CDH8: variants seen among roughly 807,000 people sequenced by gnomAD.
CDH8 encodes cadherin 8.
CDH8 carries 17 observed loss-of-function variants against 68.1 expected under a neutral mutation model. That is an observed-to-expected ratio of 0.25 (90% CI 0.17 to 0.37). The LOEUF is 0.37. Ranked by LOEUF, CDH8 falls within the 10% of genes least tolerant of loss-of-function variation. The pLI is 1.00. For missense variants in CDH8, 763 were observed against 999.3 expected, an observed-to-expected ratio of 0.76 and a Z score of 3.19; for synonymous variants, 372 against 365.1, an observed-to-expected ratio of 1.02 and a Z score of -0.21.
rs983809434 is a variant in CDH8 at position 61,825,178 on chromosome 16, A to G, written c.669T>C (p.Ala223=). 7 of 1,595,374 alleles carry G rather than the reference A, an allele frequency of 4.4e-6. No individual in the cohort carries two copies. Among genetic ancestry groups the G allele is most frequent in the Non-Finnish European group, 6.0e-6 (7 of 1,173,704 alleles). The change falls in exon 5 of 12, where the codon GCT becomes GCC. Residue 223 remains alanine, a splice_region_variant and synonymous_variant. Coordinates refer to ENST00000577390, the MANE Select transcript of CDH8 (RefSeq NM_001796.5). Reference sequence around the variant, plus strand: ...TGTTGGGAAGGGCAGTTTTTATAATAGCTGAGGGGGAAAATGGAAGAATGA... The same window carrying G: ...TGTTGGGAAGGGCAGTTTTTATAATGGCTGAGGGGGAAAATGGAAGAATGA... ...QPYFSIEPET[A]IIKTALPNMD...
intron 2 of CDH8, among the ~76,000 whole-genome samples, chr16:61,976,900 A>C (rs889313415): frequency 1.3e-5 from 2 of 152,172 alleles, no homozygotes; most frequent in Non-Finnish European, 2.9e-5. Flanking sequence ...ATACAAACAC[A>C]ACTAAAAAAT....
chr16:61,817,869 C>A, intron 6 of CDH8, 137 bp from the exon 7 acceptor site: 1 of 705,136 alleles, frequency 1.4e-6, no homozygotes, highest in Non-Finnish European at 2.2e-6. Flanking sequence ...TCTCCAGTCC[C>A]CCAGATTCAA....
At chr16:61,768,367 T>TCTCTCTCTCTCTCA in intron 8 of CDH8, among the ~76,000 whole-genome samples, 2 of 80,644 alleles carry the variant, frequency 2.5e-5, no homozygotes, top group Admixed American at 1.3e-4. Context: ...TCTCTCTCTC[T>TCTCTCTCTCTCTCA]CCCTTTCTCT....
At chr16:61,903,359 T>C (rs1283531378) in intron 2 of CDH8, among the ~76,000 whole-genome samples, 1 of 152,248 alleles carries the variant, frequency 6.6e-6, no homozygotes, top group Admixed American at 6.5e-5. Flanking sequence ...AGTCTCGCTC[T>C]GTCGCCCAGG....
intron 8 of CDH8, among the ~76,000 whole-genome samples, chr16:61,770,578 A>C (rs935819405): frequency 6.6e-6 from 1 of 151,948 alleles, no homozygotes; most frequent in Non-Finnish European, 1.5e-5. Context: ...CCTCCTTTGC[A>C]TCTAAAAATA....
intron 3 of CDH8, among the ~76,000 whole-genome samples, chr16:61,895,070 AT>A (rs930805971): frequency 1.6e-4 from 24 of 152,088 alleles, no homozygotes; most frequent in African/African-American, 5.6e-4. Flanking sequence ...TAGTTCTGAC[AT>A]TTTTAAAGTG....
chr16:61,930,010 G>C (rs1964515615), intron 2 of CDH8, among the ~76,000 whole-genome samples: 1 of 152,096 alleles, frequency 6.6e-6, no homozygotes, highest in African/African-American at 2.4e-5. Context: ...CGCAGAGTTT[G>C]TTCTTCTATG....
At chr16:61,835,706 A>G (rs1404836435) in intron 4 of CDH8, among the ~76,000 whole-genome samples, 3 of 152,030 alleles carry the variant, frequency 2.0e-5, no homozygotes, top group Non-Finnish European at 4.4e-5. Flanking sequence ...GAAGAACATG[A>G]TGGCACTATT....
intron 3 of CDH8, among the ~76,000 whole-genome samples, chr16:61,898,540 T>C (rs1963909673): frequency 6.6e-6 from 1 of 152,128 alleles, no homozygotes; most frequent in Non-Finnish European, 1.5e-5. Flanking sequence ...TGAACACCTA[T>C]AAAATGTAAG....
chr16:61,653,513 C>T lies in CDH8; in HGVS notation c.*95G>A, dbSNP rs376357482. 1.3e-6 allele frequency: 2 copies of T among 1,507,116 alleles called. No homozygotes were observed. Among genetic ancestry groups the T allele is most frequent in the African/African-American group, 1.4e-5 (1 of 71,490 alleles). The allele number at this position is 1,507,116 out of a possible 1,614,324, so 93.4% of individuals were successfully genotyped here. On this transcript the variant is annotated 3_prime_UTR_variant, in exon 12 of 12. Coordinates refer to ENST00000577390, the MANE Select transcript of CDH8 (RefSeq NM_001796.5). ...TATAGATGACTGGTGCTAAACTTGCCTCTAAAACAAATAGCCACATTGGTT... is the reference window on the plus strand; with the variant it reads ...TATAGATGACTGGTGCTAAACTTGCTTCTAAAACAAATAGCCACATTGGTT...
At chr16:61,974,836 G>A (rs1965407387) in intron 2 of CDH8, among the ~76,000 whole-genome samples, 1 of 152,088 alleles carries the variant, frequency 6.6e-6, no homozygotes, top group South Asian at 2.1e-4. Context: ...ATGGCAAAGT[G>A]CACAGAATTT....
intron 8 of CDH8, among the ~76,000 whole-genome samples, chr16:61,750,160 G>C (rs1960122406): frequency 6.6e-6 from 1 of 152,022 alleles, no homozygotes; most frequent in African/African-American, 2.4e-5. Context: ...AGAAAATGTG[G>C]TATTTGGCTT....
At chr16:61,720,819 G>A (rs1219439626) in intron 9 of CDH8, among the ~76,000 whole-genome samples, 1 of 150,732 alleles carries the variant, frequency 6.6e-6, no homozygotes, top group Non-Finnish European at 1.5e-5. Flanking sequence ...TGTATAGTGT[G>A]TTGCTTTAAG....
chr16:61,925,992 C>T (rs1423513028), intron 2 of CDH8, among the ~76,000 whole-genome samples: 1 of 152,122 alleles, frequency 6.6e-6, no homozygotes, highest in Non-Finnish European at 1.5e-5. Context: ...AATTGCTTTA[C>T]ATACATTACT....
At chr16:61,710,340 A>G (rs1596887896) in intron 10 of CDH8, among the ~76,000 whole-genome samples, 1 of 152,140 alleles carries the variant, frequency 6.6e-6, no homozygotes, top group East Asian at 1.9e-4. Flanking sequence ...TCTATCAGAC[A>G]ATGCATAAAT....
At chr16:61,810,977 T>C (rs1364017546) in intron 7 of CDH8, among the ~76,000 whole-genome samples, 2 of 148,446 alleles carry the variant, frequency 1.3e-5, no homozygotes, top group Non-Finnish European at 3.0e-5. Context: ...TGAGCCGAGA[T>C]TGTGCCACTG....
At chr16:61,689,105 T>C (rs989579648) in intron 10 of CDH8, among the ~76,000 whole-genome samples, 1 of 152,024 alleles carries the variant, frequency 6.6e-6, no homozygotes, top group African/African-American at 2.4e-5. Flanking sequence ...CATTAAAACA[T>C]AGACTTCCAG....
intron 7 of CDH8, among the ~76,000 whole-genome samples, chr16:61,800,302 G>T (rs1446783462): frequency 2.6e-5 from 4 of 152,068 alleles, no homozygotes; most frequent in African/African-American, 9.7e-5. Flanking sequence ...CTACCCACAC[G>T]GTCTCACCCG....
chr16:61,833,025 T>C (rs2143005088), intron 4 of CDH8, among the ~76,000 whole-genome samples: 1 of 151,756 alleles, frequency 6.6e-6, no homozygotes, highest in Non-Finnish European at 1.5e-5. Flanking sequence ...GAAATTATTT[T>C]TGTAGAACTA....
Sources: allele counts gnomAD v4.1 joint callset (sites outside exome capture counted in the v4.1 genomes callset), GRCh38; gene constraint gnomAD v4.1.1; transcripts MANE v1.5; gene names NCBI Gene and HGNC (gene_info 2026-07-23, HGNC 2026-07-21).